C4orf51: variants seen among roughly 807,000 people sequenced by gnomAD.
The protein encoded by C4orf51 is chromosome 4 open reading frame 51.
A neutral mutation model predicts 25.2 loss-of-function variants in C4orf51; 25 were observed. That is an observed-to-expected ratio of 0.99 (90% CI 0.72 to 1.39). The LOEUF (loss-of-function observed/expected upper bound fraction) is 1.39, where lower values mean the gene tolerates loss of function less well. Among genes scored for constraint, C4orf51 ranks in the 40% most tolerant of loss-of-function variants. The pLI, the probability that C4orf51 is intolerant of heterozygous loss-of-function variation, is 0.00. For synonymous variants in C4orf51, 100 were observed against 84.5 expected (o/e 1.18, Z -1.01); for missense variants, 252 against 239.6 (o/e 1.05, Z -0.34).
intron 5 of C4orf51, among the ~76,000 whole-genome samples, chr4:145,730,389 T>A (rs560257427): frequency 2.4e-3 from 366 of 152,254 alleles, no homozygotes; most frequent in Non-Finnish European, 4.3e-3. Context: ...CCACTCAGCA[T>A]CTATGGTCCC....
chr4:145,760,656 ACC>A, intron 1 of C4orf51: 1 of 579,668 alleles, frequency 1.7e-6, no homozygotes, highest in South Asian at 3.6e-5. Context: ...CATGTTCCAG[ACC>A]CATCGGGGTC....
At chr4:145,740,076 G>A (rs1733010584) in intron 1 of C4orf51, among the ~76,000 whole-genome samples, 2 of 152,078 alleles carry the variant, frequency 1.3e-5, no homozygotes, top group African/African-American at 2.4e-5. Flanking sequence ...GGTGAAAACC[G>A]TTCACGTGGA....
At chr4:145,685,614 C>T (rs563036498) in intron 1 of C4orf51, among the ~76,000 whole-genome samples, 33 of 152,282 alleles carry the variant, frequency 2.2e-4, no homozygotes, top group African/African-American at 7.9e-4. Context: ...TTTCACAGTG[C>T]TTTTCTATAC....
chr4:145,726,192 A>G (rs970097043), intron 2 of C4orf51, among the ~76,000 whole-genome samples: 1 of 152,192 alleles, frequency 6.6e-6, no homozygotes. Context: ...TAATTGACCC[A>G]TAATAATTGC....
At chr4:145,692,187 T>A (rs917901400) in intron 1 of C4orf51, among the ~76,000 whole-genome samples, 1 of 152,218 alleles carries the variant, frequency 6.6e-6, no homozygotes, top group Non-Finnish European at 1.5e-5. Context: ...ATAAGTACTA[T>A]TCATTGACAG....
downstream of C4orf51, among the ~76,000 whole-genome samples, chr4:145,756,318 A>G (rs1372055407): frequency 6.6e-6 from 1 of 152,194 alleles, no homozygotes; most frequent in Admixed American, 6.5e-5. Flanking sequence ...CTTAAACTAT[A>G]TTTATGTAGC....
At chr4:145,789,407 C>T in the C4orf51 span, among the ~76,000 whole-genome samples, 1 of 152,110 alleles carries the variant, frequency 6.6e-6, no homozygotes, top group South Asian at 2.1e-4. Flanking sequence ...ATTAAGGAGA[C>T]AGTACATAAT....
chr4:145,727,265 A>G (rs772045376), intron 3 of C4orf51, among the ~76,000 whole-genome samples: 11 of 152,098 alleles, frequency 7.2e-5, no homozygotes, highest in African/African-American at 1.2e-4. Context: ...GCAGTTAAAA[A>G]TAACTTTTCT....
chr4:145,745,141 C>T (rs1334500080), intron 1 of C4orf51, among the ~76,000 whole-genome samples: 2 of 152,090 alleles, frequency 1.3e-5, no homozygotes, highest in Non-Finnish European at 2.9e-5. Context: ...TAATTTGATG[C>T]AGCATGCAAT....
intron 2 of C4orf51, among the ~76,000 whole-genome samples, chr4:145,701,299 A>C (rs1297455301): frequency 6.6e-6 from 1 of 152,020 alleles, no homozygotes; most frequent in Admixed American, 6.6e-5. Flanking sequence ...TCTCCAGCAC[A>C]CAAGAACTTC....
chr4:145,787,475 A>AC, the C4orf51 span, among the ~76,000 whole-genome samples: 1 of 151,894 alleles, frequency 6.6e-6, no homozygotes, highest in East Asian at 1.9e-4. Flanking sequence ...AAAAAAAAAA[A>AC]AAAAAAAAAG....
At chr4:145,734,213 C>G (rs1272597679), downstream of C4orf51, among the ~76,000 whole-genome samples, 1 of 152,180 alleles carries the variant, frequency 6.6e-6, no homozygotes, top group Non-Finnish European at 1.5e-5. Context: ...CTTGTGGAAA[C>G]ATATTCCCTC....
At chr4:145,720,594 A>G (rs745468644) in intron 2 of C4orf51, among the ~76,000 whole-genome samples, 2 of 151,846 alleles carry the variant, frequency 1.3e-5, no homozygotes, top group African/African-American at 4.8e-5. Flanking sequence ...TCCTCCACTC[A>G]TCTCCCCACA....
At chr4:145,701,155 C>T (rs1219538851) in intron 2 of C4orf51, among the ~76,000 whole-genome samples, 1 of 151,918 alleles carries the variant, frequency 6.6e-6, no homozygotes, top group Admixed American at 6.6e-5. Context: ...AATCTGCTCC[C>T]AACATTAAAC....
downstream of C4orf51, among the ~76,000 whole-genome samples, chr4:145,755,227 C>G (rs1188909814): frequency 3.3e-5 from 5 of 152,174 alleles, no homozygotes; most frequent in Non-Finnish European, 1.5e-5. Flanking sequence ...TCATAAGATG[C>G]TTAACGGTAT....
the C4orf51 span, among the ~76,000 whole-genome samples, chr4:145,781,335 C>T: frequency 1.3e-5 from 2 of 151,496 alleles, no homozygotes; most frequent in Non-Finnish European, 2.9e-5. Context: ...TACAGGCTTC[C>T]ACCTGTATGT....
downstream of C4orf51, among the ~76,000 whole-genome samples, chr4:145,772,763 T>A (rs1439506769): frequency 6.6e-6 from 1 of 152,196 alleles, no homozygotes; most frequent in Non-Finnish European, 1.5e-5. Flanking sequence ...AAAAGAAACT[T>A]CTTTAATGCA....
chr4:145,688,193 C>T (rs1274507158), intron 1 of C4orf51, among the ~76,000 whole-genome samples: 3 of 138,114 alleles, frequency 2.2e-5, no homozygotes, highest in African/African-American at 8.3e-5. Context: ...AGAGTGAGAT[C>T]CTACCTTAAA....
the C4orf51 span, among the ~76,000 whole-genome samples, chr4:145,787,324 G>A: frequency 3.9e-5 from 6 of 152,024 alleles, no homozygotes; most frequent in African/African-American, 4.8e-5. Context: ...TTAGCTGAGC[G>A]TGGTGGCGCG....
Sources: gnomAD v4.1 joint callset for allele counts (sites outside exome capture counted in the v4.1 genomes callset) on GRCh38, gnomAD v4.1.1 for gene constraint, MANE v1.5 for transcripts, NCBI Gene and HGNC (gene_info 2026-07-23, HGNC 2026-07-21) for gene names.